GK5: variants seen among roughly 807,000 people sequenced by gnomAD.
GK5 encodes the protein ATP:glycerol 3-phosphotransferase 5.
Under a neutral mutation model 77.3 loss-of-function variants are expected in GK5, and 39 were observed. The ratio of observed to expected loss-of-function variants is 0.50; its 90% CI spans 0.39 to 0.66. GK5 has a LOEUF of 0.66. Among genes scored for constraint, GK5 ranks in the 30% least tolerant of loss-of-function variants. GK5 has a pLI of 0.00. For missense variants in GK5, 487 were observed against 633.8 expected (o/e 0.77, Z 2.49); for synonymous variants, 211 against 208.0 (o/e 1.01, Z -0.13).
chr3:142,199,262 G>A (rs1379840178), intron 4 of GK5, among the ~76,000 whole-genome samples: 1 of 151,908 alleles, frequency 6.6e-6, no homozygotes, highest in Admixed American at 6.6e-5. Flanking sequence ...GAGAATCTAG[G>A]AAGGAGGCTA....
At chr3:142,189,748 C>T (rs796904738) in intron 5 of GK5, among the ~76,000 whole-genome samples, 5 of 152,044 alleles carry the variant, frequency 3.3e-5, no homozygotes, top group South Asian at 4.2e-4. Context: ...AAACTAGGAC[C>T]GGCTCTCATA....
rs1491185061 is a variant in GK5, at chr3:142,212,828, T to TCTTTTTTTTTA, written c.317+697_317+698insTAAAAAAAAAG. Reference sequence around the variant, plus strand: ...CCTCATATGCTATAGACAAATATTTTCTTTTTTTTTTCTTTTTTTTTTTTT... The same window carrying TCTTTTTTTTTA: ...CCTCATATGCTATAGACAAATATTTTCTTTTTTTTTACTTTTTTTTTTCTTTTTTTTTTTTT... On this transcript the variant is annotated intron_variant, in intron 3 of 15. Coordinates refer to ENST00000392993, the MANE Select transcript of GK5 (RefSeq NM_001039547.3). 4.1e-5 allele frequency among the ~76,000 whole-genome samples: 6 copies of TCTTTTTTTTTA among 146,210 alleles called. 1 individual carries two copies. Among genetic ancestry groups the TCTTTTTTTTTA allele is most frequent in the African/African-American group, 1.5e-4 (6 of 39,030 alleles).
chr3:142,196,509 T>C (rs905881256), intron 5 of GK5, among the ~76,000 whole-genome samples: 3 of 152,174 alleles, frequency 2.0e-5, no homozygotes. Context: ...AGTTTTGGTA[T>C]GTTGTATCTT....
chr3:142,224,302 T>C (rs1327893700), intron 1 of GK5, among the ~76,000 whole-genome samples: 4 of 152,024 alleles, frequency 2.6e-5, no homozygotes, highest in African/African-American at 2.4e-5. Context: ...TCCCAGCTAC[T>C]TGGGGGGCTG....
chr3:142,186,644 T>C (rs2063776469), intron 6 of GK5, 131 bp from the exon 7 acceptor site: 1 of 472,276 alleles, frequency 2.1e-6, no homozygotes, highest in Admixed American at 4.1e-5. Flanking sequence ...TTTTTTTTTT[T>C]TTTTTGAGAC....
At chr3:142,170,187 A>C (rs1412514244) in intron 15 of GK5, 138 bp downstream of exon 15, 1 of 862,386 alleles carries the variant, frequency 1.2e-6, no homozygotes. Context: ...TTTTGTGAGT[A>C]ATATGCATAT....
At chr3:142,166,668 G>A (rs1028018002) in intron 15 of GK5, among the ~76,000 whole-genome samples, 19 of 152,158 alleles carry the variant, frequency 1.2e-4, no homozygotes, top group Admixed American at 3.3e-4. Flanking sequence ...CGAGTAGCTC[G>A]GACCATAGGC....
At chr3:142,194,698 T>C (rs1371374771) in intron 5 of GK5, among the ~76,000 whole-genome samples, 1 of 151,788 alleles carries the variant, frequency 6.6e-6, no homozygotes, top group Non-Finnish European at 1.5e-5. Context: ...AAAGAAAATT[T>C]TTTTTTTTGT....
intron 15 of GK5, among the ~76,000 whole-genome samples, chr3:142,168,769 C>T (rs1360300868): frequency 7.8e-6 from 1 of 128,828 alleles, no homozygotes; most frequent in Non-Finnish European, 1.6e-5. Flanking sequence ...CTCTCCAGTG[C>T]CTTCAGGATC....
rs1161704184 is a variant in GK5 at position 142,184,260 on chromosome 3, C to CAAAAAAAA, written c.817-1219_817-1212dup. Among the ~76,000 whole-genome samples, 47 of 10,586 alleles carry CAAAAAAAA rather than the reference C, an allele frequency of 4.4e-3. 1 individual carries two copies. The highest frequency in any genetic ancestry group is 0.071 in the Middle Eastern group (1 of 14). 6.9% of individuals were successfully genotyped at this position (10,586 alleles called of 152,430 possible). Reference sequence around the variant, plus strand: ...TGGGCGACAGAGTGAGACTCTGTCTCAAAAAAAAAAAAAAAAAAAAAAAAA... The same window carrying CAAAAAAAA: ...TGGGCGACAGAGTGAGACTCTGTCTCAAAAAAAAAAAAAAAAAAAAAAAAAAAAAAAAA... On this transcript the variant is annotated intron_variant, in intron 9 of 15. Transcript: ENST00000392993.
chr3:142,221,785 T>A (rs1025982981), intron 1 of GK5, among the ~76,000 whole-genome samples: 1 of 152,212 alleles, frequency 6.6e-6, no homozygotes, highest in Non-Finnish European at 1.5e-5. Context: ...TTAATTTGTA[T>A]ATTTAAGAGT....
At chr3:142,187,941 T>C (rs2063795374) in intron 5 of GK5, among the ~76,000 whole-genome samples, 162 bp from the exon 6 acceptor site, 1 of 152,202 alleles carries the variant, frequency 6.6e-6, no homozygotes, top group South Asian at 2.1e-4. Flanking sequence ...GTGATTATTA[T>C]ATAGGGCATG....
chr3:142,205,206 T>C (rs1004242950), intron 3 of GK5, among the ~76,000 whole-genome samples: 3 of 152,222 alleles, frequency 2.0e-5, no homozygotes, highest in South Asian at 2.1e-4. Context: ...GGCTTAGCCA[T>C]TGGCAACCTA....
At chr3:142,170,526 AT>A in intron 14 of GK5, 68 bp from the exon 15 acceptor site, 15 of 1,316,316 alleles carry the variant, frequency 1.1e-5, no homozygotes, top group East Asian at 2.4e-5. Context: ...AGTGGGCCAC[AT>A]TTTTTTCCTG....
At chr3:142,187,905 C>A in intron 5 of GK5, 126 bp from the exon 6 acceptor site, 1 of 654,574 alleles carries the variant, frequency 1.5e-6, no homozygotes, top group Non-Finnish European at 2.6e-6. Flanking sequence ...AAAAACATTT[C>A]TAGAATATAT....
intron 2 of GK5, among the ~76,000 whole-genome samples, chr3:142,215,101 G>A (rs1413603013): frequency 2.0e-5 from 3 of 152,146 alleles, no homozygotes; most frequent in Non-Finnish European, 4.4e-5. Flanking sequence ...AATGTTTTGA[G>A]ATGTTGTCAA....
intron 3 of GK5, among the ~76,000 whole-genome samples, chr3:142,212,440 G>A (rs997021158): frequency 5.9e-5 from 9 of 152,162 alleles, no homozygotes; most frequent in African/African-American, 2.2e-4. Flanking sequence ...GGAGGCTAAG[G>A]CGGGAGGATT....
At chr3:142,177,396 G>C (rs2063630773) in intron 12 of GK5, 86 bp downstream of exon 12, 1 of 753,664 alleles carries the variant, frequency 1.3e-6, no homozygotes, top group Non-Finnish European at 2.3e-6. Flanking sequence ...CAAATTTTAA[G>C]GTAACAGAAT....
At chr3:142,207,826 T>C (rs1468066398) in intron 3 of GK5, among the ~76,000 whole-genome samples, 1 of 152,228 alleles carries the variant, frequency 6.6e-6, no homozygotes, top group African/African-American at 2.4e-5. Flanking sequence ...TGCGGGCTGC[T>C]GGCCAGATCA....
Sources: allele counts gnomAD v4.1 joint callset (sites outside exome capture counted in the v4.1 genomes callset), GRCh38; gene constraint gnomAD v4.1.1; transcripts MANE v1.5; gene names NCBI Gene and HGNC (gene_info 2026-07-23, HGNC 2026-07-21).